The following STK38L variants were observed in gnomAD, a reference collection of about 807,000 sequenced individuals.
The protein encoded by STK38L is serine/threonine kinase 38 like.
Under a neutral mutation model 59.7 loss-of-function variants are expected in STK38L, and 28 were observed. The ratio of observed to expected loss-of-function variants is 0.47; its 90% CI spans 0.35 to 0.64. The LOEUF is 0.64. STK38L is among the 30% of genes least tolerant of loss of function. The pLI, the probability that STK38L is intolerant of heterozygous loss-of-function variation, is 0.01. For synonymous variants in STK38L, 162 were observed against 176.8 expected, an observed-to-expected ratio of 0.92 and a Z score of 0.66; for missense variants, 314 against 555.8, an observed-to-expected ratio of 0.56 and a Z score of 4.37.
chr12:27,257,697 C>T (rs1001135758), intron 1 of STK38L, among the ~76,000 whole-genome samples: 14 of 152,104 alleles, frequency 9.2e-5, no homozygotes, highest in Admixed American at 3.3e-4. Flanking sequence ...TAGGGCATCA[C>T]TAAGTATTGA....
intron 3 of STK38L, among the ~76,000 whole-genome samples, chr12:27,305,646 C>T (rs1288614053): frequency 6.6e-6 from 1 of 152,108 alleles, no homozygotes; most frequent in African/African-American, 2.4e-5. Flanking sequence ...TTTGTATGCA[C>T]TGTCTGTCTT....
chr12:27,315,650 G>C (rs1170643853), intron 9 of STK38L, among the ~76,000 whole-genome samples: 2 of 152,154 alleles, frequency 1.3e-5, no homozygotes, highest in Non-Finnish European at 2.9e-5. Flanking sequence ...TGTAATGAAT[G>C]CCTTGTGATT....
intron 6 of STK38L, among the ~76,000 whole-genome samples, chr12:27,313,857 ACT>A (rs771045741): frequency 5.3e-5 from 8 of 151,686 alleles, no homozygotes; most frequent in Non-Finnish European, 8.8e-5. Context: ...GTCCCACTAA[ACT>A]CTAAAAGAAT....
chr12:27,314,543 C>A lies in STK38L; in HGVS notation c.557C>A (p.Thr186Lys). Residue 186 changes from threonine to lysine, a missense_variant, in exon 7 of 14, where the codon ACA (threonine) becomes AAA (lysine). Physicochemically the swap from Thr to Lys is moderately conservative, Grantham distance 78. Around this residue, in one of 3 missense-constraint regions of STK38L, gnomAD observed 192 missense variants for 316.9 expected, o/e 0.61. Transcript: ENST00000389032. ...MTLLMKKDTL[T>K]EEETQFYISE... ...TTGCTAATGAAGAAAGACACCTTGA[C>A]AGAAGAGGAAACACAGTTCTACATT... The A allele has an allele frequency of 6.3e-7, 1 of 1,596,728 alleles. No homozygotes were observed. The highest frequency in any genetic ancestry group is 8.5e-7 in the Non-Finnish European group (1 of 1,171,600).
rs2136655884 is a variant in STK38L, at chr12:27,324,102, A to C, written c.*1647A>C. ...CTGCTGGGTAGCTCCACAGTGTTTCATAAGGCCATCCTGTTTCCCCCAACT... is the reference window on the plus strand; with the variant it reads ...CTGCTGGGTAGCTCCACAGTGTTTCCTAAGGCCATCCTGTTTCCCCCAACT... On this transcript the variant is annotated 3_prime_UTR_variant, in exon 14 of 14. Coordinates refer to ENST00000389032, the MANE Select transcript of STK38L (RefSeq NM_015000.4). The C allele has an allele frequency of 6.6e-6, 1 of 152,240 alleles. No homozygotes were observed. The highest frequency in any genetic ancestry group is 2.1e-4 in the South Asian group (1 of 4,826). The allele number at this position is 152,240 out of a possible 1,614,324, so 9.4% of individuals were successfully genotyped here.
At chr12:27,291,005 C>T (rs1013424584) in intron 1 of STK38L, among the ~76,000 whole-genome samples, 1 of 152,114 alleles carries the variant, frequency 6.6e-6, no homozygotes. Flanking sequence ...GCCTTTTGGC[C>T]ATCCTCCCTG....
intron 1 of STK38L, among the ~76,000 whole-genome samples, chr12:27,277,606 C>T (rs1943565825): frequency 6.6e-6 from 1 of 152,110 alleles, no homozygotes; most frequent in Non-Finnish European, 1.5e-5. Flanking sequence ...GTAAAGAAAT[C>T]ATGGAGATAT....
chr12:27,316,739 T>C (rs963383268), intron 9 of STK38L, among the ~76,000 whole-genome samples: 3 of 152,206 alleles, frequency 2.0e-5, no homozygotes, highest in African/African-American at 7.2e-5. Context: ...AGCAGTACCC[T>C]GGAATTACAT....
At chr12:27,320,810 C>G (rs1399868568) in intron 12 of STK38L, among the ~76,000 whole-genome samples, 1 of 139,812 alleles carries the variant, frequency 7.2e-6, no homozygotes, top group East Asian at 2.2e-4. Flanking sequence ...GAGATGGAGT[C>G]TCACTCTGTC....
chr12:27,282,034 A>C (rs1349883311), intron 1 of STK38L, among the ~76,000 whole-genome samples: 1 of 152,198 alleles, frequency 6.6e-6, no homozygotes, highest in Non-Finnish European at 1.5e-5. Context: ...AGACTGTCTC[A>C]AAAACAAAAC....
intron 1 of STK38L, among the ~76,000 whole-genome samples, chr12:27,256,269 A>G (rs956112666): frequency 9.9e-5 from 15 of 152,140 alleles, no homozygotes; most frequent in Admixed American, 3.3e-4. Context: ...TAAAATTTCT[A>G]GTGACTCCCC....
At position 27,308,155 on chromosome 12, in the gene STK38L, C is replaced by T. The variant is rs536026457; in HGVS notation, c.187-184C>T. Among the ~76,000 whole-genome samples, 12 of 151,760 alleles carry T rather than the reference C, an allele frequency of 7.9e-5. No homozygotes were observed. Among genetic ancestry groups the T allele is most frequent in the Non-Finnish European group, 1.6e-4 (11 of 67,970 alleles). ...ATTACATATTTAATGGAGTCCACCT[C>T]AAAAGTAAAGATTTATCAGTTGTTA... On this transcript the variant is annotated intron_variant, in intron 3 of 13. Coordinates refer to ENST00000389032, the MANE Select transcript of STK38L (RefSeq NM_015000.4). The surrounding 1 kb of genome is among the most constrained non-coding windows in gnomAD (Gnocchi z 4.5).
chr12:27,263,190 TAAG>T (rs1322034319), intron 1 of STK38L, among the ~76,000 whole-genome samples: 1 of 152,284 alleles, frequency 6.6e-6, no homozygotes, highest in East Asian at 1.9e-4. Flanking sequence ...TGAAGACTCT[TAAG>T]GAGTTCATAA....
In STK38L at chr12:27,262,677, C is replaced by G. The variant is rs1269968462; in HGVS notation, c.-12+18345C>G. Among the ~76,000 whole-genome samples the G allele has an allele frequency of 3.4e-5, 5 of 145,222 alleles. No homozygotes were observed. In the Admixed American group the frequency reaches 3.5e-4, roughly 10 times the overall value. ...CTATGATGGCACCACTGCACTCCAG[C>G]CTGGGTGATGGAGTGGGACTCTATC... On this transcript the variant is annotated intron_variant, in intron 1 of 13. Coordinates refer to ENST00000389032, the MANE Select transcript of STK38L (RefSeq NM_015000.4).
At chr12:27,251,016 A>AAAAG (rs1491012770) in intron 1 of STK38L, among the ~76,000 whole-genome samples, 1 of 147,786 alleles carries the variant, frequency 6.8e-6, no homozygotes, top group South Asian at 2.2e-4. Flanking sequence ...AAAAAAAAAA[A>AAAAG]GAAATTGCTT....
intron 1 of STK38L, among the ~76,000 whole-genome samples, chr12:27,251,783 A>G (rs1422877111): frequency 6.6e-6 from 1 of 152,198 alleles, no homozygotes; most frequent in Non-Finnish European, 1.5e-5. Context: ...GAGAACCTGG[A>G]ATTTTAGTTC....
chr12:27,253,076 T>C (rs11048950), intron 1 of STK38L, among the ~76,000 whole-genome samples: 24,733 of 152,176 alleles, frequency 0.16, 2,302 homozygotes, highest in African/African-American at 0.26. Context: ...CTATATGAAG[T>C]GAAATATGAA....
intron 1 of STK38L, among the ~76,000 whole-genome samples, chr12:27,283,644 G>A (rs925177055): frequency 5.3e-5 from 8 of 152,072 alleles, no homozygotes; most frequent in South Asian, 2.1e-4. Context: ...TTTGCAATTT[G>A]TATACTTATG....
chr12:27,280,362 AG>A (rs1943627725), intron 1 of STK38L, among the ~76,000 whole-genome samples: 1 of 152,196 alleles, frequency 6.6e-6, no homozygotes, highest in African/African-American at 2.4e-5. Context: ...TACTTGCCAC[AG>A]TGATGTTTTT....
Sources: allele counts gnomAD v4.1 joint callset (sites outside exome capture counted in the v4.1 genomes callset), GRCh38; gene constraint gnomAD v4.1.1; regional missense constraint gnomAD v4.1.1; non-coding constraint Gnocchi (gnomAD v3.1); transcripts MANE v1.5; gene names NCBI Gene and HGNC (gene_info 2026-07-23, HGNC 2026-07-21).